The following AFF4 variants were observed in gnomAD, a reference collection of about 807,000 sequenced individuals.
The protein encoded by AFF4 is ALF transcription elongation factor 4.
Under a neutral mutation model 124.8 loss-of-function variants are expected in AFF4, and 13 were observed. The ratio of observed to expected loss-of-function variants is 0.10; its 90% CI spans 0.07 to 0.17. The LOEUF is 0.17. Ranked by LOEUF, AFF4 falls within the 10% of genes least tolerant of loss-of-function variation. The pLI is 1.00. For synonymous variants in AFF4, 477 were observed against 496.1 expected, an observed-to-expected ratio of 0.96 and a Z score of 0.51; for missense variants, 1,092 against 1,403.8, an observed-to-expected ratio of 0.78 and a Z score of 3.55.
intron 5 of AFF4, among the ~76,000 whole-genome samples, chr5:132,906,069 G>C (rs1760664499): frequency 1.3e-5 from 2 of 152,200 alleles, no homozygotes; most frequent in African/African-American, 2.4e-5. Flanking sequence ...TCTACAATGA[G>C]ATACCACTTC....
intron 1 of AFF4, among the ~76,000 whole-genome samples, chr5:132,944,794 G>T (rs1383092233): frequency 6.6e-6 from 1 of 151,624 alleles, no homozygotes; most frequent in Non-Finnish European, 1.5e-5. Context: ...GCCAAGCATG[G>T]TGGCAGGCGC....
intron 5 of AFF4, among the ~76,000 whole-genome samples, chr5:132,916,359 T>G (rs962487391): frequency 6.6e-6 from 1 of 151,884 alleles, no homozygotes; most frequent in Non-Finnish European, 1.5e-5. Context: ...GCCCAGGAGT[T>G]TGAGACCAGC....
chr5:132,925,690 A>C (rs542896716), intron 5 of AFF4, among the ~76,000 whole-genome samples: 1 of 152,350 alleles, frequency 6.6e-6, no homozygotes. Flanking sequence ...GATGAACCTC[A>C]CTAGCAATCA....
chr5:132,942,499 T>TA (rs1761595693), intron 1 of AFF4, among the ~76,000 whole-genome samples: 1 of 151,494 alleles, frequency 6.6e-6, no homozygotes, highest in South Asian at 2.1e-4. Context: ...AGTTTCGCTC[T>TA]TGTTGCCCAG....
intron 1 of AFF4, among the ~76,000 whole-genome samples, chr5:132,939,799 T>A (rs193161215): frequency 6.6e-6 from 1 of 152,164 alleles, no homozygotes. Flanking sequence ...TTAGTAGCGA[T>A]GGGGTTTCAC....
chr5:132,963,187 AC>A (rs1258247319), intron 1 of AFF4, 71 bp downstream of exon 1: 5 of 381,794 alleles, frequency 1.3e-5, no homozygotes, highest in Admixed American at 4.5e-5. Context: ...GCGGGCCCCC[AC>A]CCCCACCCGG....
At chr5:132,927,332 G>T (rs1012175292) in intron 4 of AFF4, 125 bp from the exon 5 acceptor site, 27 of 753,926 alleles carry the variant, frequency 3.6e-5, no homozygotes, top group Non-Finnish European at 5.7e-5. Flanking sequence ...TACATACTTA[G>T]TCAATAAATA....
rs1203366290 is a variant in AFF4 at position 132,921,406 on chromosome 5, T to C, written c.1050+5715A>G. On this transcript the variant is annotated intron_variant, in intron 5 of 20. Transcript: ENST00000265343. Reference sequence around the variant, plus strand: ...GAACAAGTGGAACTCTCATATACCATTGGCAGGAATAAAAAATGGTTCAAC... The same window carrying C: ...GAACAAGTGGAACTCTCATATACCACTGGCAGGAATAAAAAATGGTTCAAC... 3.3e-5 allele frequency among the ~76,000 whole-genome samples: 5 copies of C among 151,952 alleles called. No homozygotes were observed. The East Asian group carries it at 5.8e-4, about 18-fold the overall frequency.
intron 5 of AFF4, among the ~76,000 whole-genome samples, chr5:132,921,529 C>CA (rs2150089155): frequency 6.8e-6 from 1 of 147,534 alleles, no homozygotes; most frequent in East Asian, 2.1e-4. Flanking sequence ...AGTGCAATGA[C>CA]ACGATCTCGG....
chr5:132,908,350 G>T (rs942784315), intron 5 of AFF4, among the ~76,000 whole-genome samples: 7 of 151,838 alleles, frequency 4.6e-5, no homozygotes, highest in Admixed American at 6.6e-5. Context: ...ACGCTAAGAT[G>T]GACTTATTTT....
chr5:132,915,728 C>T (rs906951532), intron 5 of AFF4, among the ~76,000 whole-genome samples: 3 of 151,516 alleles, frequency 2.0e-5, no homozygotes, highest in Non-Finnish European at 2.9e-5. Flanking sequence ...CCACCACGCT[C>T]GGCTAATTTT....
At chr5:132,951,485 G>A (rs1420946509) in intron 1 of AFF4, among the ~76,000 whole-genome samples, 1 of 152,158 alleles carries the variant, frequency 6.6e-6, no homozygotes, top group African/African-American at 2.4e-5. Flanking sequence ...GTAAGCAGTA[G>A]ACACTATTCT....
chr5:132,906,886 G>A (rs774013424), intron 5 of AFF4, among the ~76,000 whole-genome samples: 2 of 152,102 alleles, frequency 1.3e-5, no homozygotes, highest in African/African-American at 2.4e-5. Context: ...GATAGCTTGA[G>A]GCCAGGAGTT....
chr5:132,928,301 A>G (rs558566976), intron 4 of AFF4, among the ~76,000 whole-genome samples: 1 of 152,246 alleles, frequency 6.6e-6, no homozygotes, highest in South Asian at 2.1e-4. Flanking sequence ...TCATGCTTGT[A>G]TGCCTGATAA....
intron 13 of AFF4, among the ~76,000 whole-genome samples, chr5:132,890,587 T>C (rs1161255265): frequency 6.6e-6 from 1 of 152,236 alleles, no homozygotes; most frequent in East Asian, 1.9e-4. Flanking sequence ...TTTTCTTTAG[T>C]TGATAGAATA....
At position 132,889,191 on chromosome 5, in the gene AFF4, T is replaced by C; in HGVS notation, c.2638-18A>G. 1 of 1,560,272 alleles carries C rather than the reference T, an allele frequency of 6.4e-7. No individual in the cohort carries two copies. The highest frequency in any genetic ancestry group is 8.8e-7 in the Non-Finnish European group (1 of 1,132,026). ...GCCTTTTCCTGACCAAAAAAATATA[T>C]AACTACAATGAAAACCGTAAGGAGA... On this transcript the variant is annotated intron_variant, in intron 13 of 20. Transcript: ENST00000265343.
At chr5:132,901,252 G>GC (rs1191249238) in intron 7 of AFF4, 8 of 630,122 alleles carry the variant, frequency 1.3e-5, no homozygotes, top group Non-Finnish European at 1.4e-5. Context: ...TCAGGGCCCT[G>GC]CACGCTTTTG....
intron 5 of AFF4, among the ~76,000 whole-genome samples, chr5:132,921,947 A>AT (rs922463188): frequency 1.0e-4 from 15 of 150,136 alleles, no homozygotes; most frequent in Admixed American, 2.0e-4. Flanking sequence ...TGCCTGGGTA[A>AT]TTTTTTTTTT....
chr5:132,918,351 ACT>A (rs1760963820), intron 5 of AFF4, among the ~76,000 whole-genome samples: 2 of 141,698 alleles, frequency 1.4e-5, no homozygotes, highest in African/African-American at 5.4e-5. Context: ...ACAGAGCAAG[ACT>A]CTGTCTCACA....
Sources: allele counts gnomAD v4.1 joint callset (sites outside exome capture counted in the v4.1 genomes callset), GRCh38; gene constraint gnomAD v4.1.1; transcripts MANE v1.5; gene names NCBI Gene and HGNC (gene_info 2026-07-23, HGNC 2026-07-21).